VPS13B: variants seen among roughly 807,000 people sequenced by gnomAD.
The protein encoded by VPS13B is intermembrane lipid transfer protein VPS13B.
A neutral mutation model predicts 426.4 loss-of-function variants in VPS13B; 285 were observed. The observed-to-expected ratio is 0.67, with a 90% confidence interval of 0.61 to 0.74. The LOEUF is 0.74. Among genes scored for constraint, VPS13B ranks in the 30% least tolerant of loss-of-function variants. The pLI, the probability that VPS13B is intolerant of heterozygous loss-of-function variation, is 0.00. For synonymous variants in VPS13B, 1,676 were observed against 1,676.4 expected, an observed-to-expected ratio of 1.00 and a Z score of 0.01; for missense variants, 4,537 against 4,782.6, an observed-to-expected ratio of 0.95 and a Z score of 1.51.
At chr8:99,338,786 G>T (rs974289125) in intron 19 of VPS13B, among the ~76,000 whole-genome samples, 2 of 152,078 alleles carry the variant, frequency 1.3e-5, no homozygotes, top group African/African-American at 4.8e-5. Context: ...TTAATTAACA[G>T]AGGTTGTTAC....
intron 19 of VPS13B, 112 bp downstream of exon 19, chr8:99,275,366 G>T (rs1818846027): frequency 3.0e-6 from 3 of 994,476 alleles, no homozygotes; most frequent in Non-Finnish European, 2.8e-6. Flanking sequence ...TTTGTCAATT[G>T]GCTTACTCTG....
chr8:99,290,038 T>G (rs1819645190), intron 19 of VPS13B, among the ~76,000 whole-genome samples: 1 of 152,092 alleles, frequency 6.6e-6, no homozygotes, highest in Non-Finnish European at 1.5e-5. Context: ...TATATTACTT[T>G]AAATGGCCAT....
intron 19 of VPS13B, among the ~76,000 whole-genome samples, chr8:99,282,926 T>C (rs1819245376): frequency 6.6e-6 from 1 of 152,168 alleles, no homozygotes; most frequent in South Asian, 2.1e-4. Context: ...GTCATTGTTA[T>C]TGGAAAGGAA....
Position 99,135,661 on chromosome 8 carries a change from A to C in VPS13B, c.1491A>C (p.Ser497=), listed in dbSNP as rs374276141. Residue 497 remains serine (S), a synonymous_variant, in exon 11 of 62, where the codon TCA becomes TCC. Coordinates refer to ENST00000357162, the MANE Select transcript of VPS13B (RefSeq NM_152564.5). ...AAGGTTTCACATACCTTACAAATTC[A>C]TTGTTTGATTACCGAAGCCCAGAAA... ...STKGFTYLTN[S]LFDYRSPENN... 109 of 1,613,370 alleles carry C rather than the reference A, an allele frequency of 6.8e-5. No homozygotes were observed. The highest frequency in any genetic ancestry group is 9.1e-5 in the Non-Finnish European group (107 of 1,179,564).
At chr8:99,488,605 C>T (rs1820427125) in intron 25 of VPS13B, among the ~76,000 whole-genome samples, 2 of 152,104 alleles carry the variant, frequency 1.3e-5, no homozygotes, top group African/African-American at 2.4e-5. Flanking sequence ...GATTGTCAGA[C>T]GGATACTTTA....
intron 3 of VPS13B, among the ~76,000 whole-genome samples, chr8:99,065,780 C>A (rs966348316): frequency 6.6e-6 from 1 of 152,156 alleles, no homozygotes; most frequent in African/African-American, 2.4e-5. Flanking sequence ...CCAAAATCTC[C>A]TTAAGCTGAT....
At chr8:99,380,354 GTATATTA>G (rs772250378) in intron 19 of VPS13B, among the ~76,000 whole-genome samples, 43 of 152,204 alleles carry the variant, frequency 2.8e-4, no homozygotes, top group Non-Finnish European at 5.7e-4. Flanking sequence ...ATGTTAAATT[GTATATTA>G]TATATTAAAT....
chr8:99,111,877 C>A (rs902796240), intron 6 of VPS13B, among the ~76,000 whole-genome samples: 32 of 152,012 alleles, frequency 2.1e-4, no homozygotes, highest in African/African-American at 7.5e-4. Context: ...TAGGTTTGGG[C>A]TCCCACTGAT....
chr8:99,748,114 T>G (rs369010398), intron 39 of VPS13B, among the ~76,000 whole-genome samples: 14 of 152,130 alleles, frequency 9.2e-5, no homozygotes, highest in South Asian at 2.1e-4. Flanking sequence ...GCTAATTAGG[T>G]GTCTATGGCT....
chr8:99,564,836 C>G (rs766153901), intron 31 of VPS13B, among the ~76,000 whole-genome samples: 8 of 152,178 alleles, frequency 5.3e-5, no homozygotes, highest in Admixed American at 1.3e-4. Context: ...TGGTTTCCTT[C>G]CTCTTACTAG....
intron 23 of VPS13B, among the ~76,000 whole-genome samples, 184 bp downstream of exon 23, chr8:99,442,819 A>G (rs1343072292): frequency 6.6e-6 from 1 of 152,034 alleles, no homozygotes; most frequent in Non-Finnish European, 1.5e-5. Flanking sequence ...TCTTAGTCAT[A>G]TATTCACATA....
At chr8:99,492,830 G>A (rs2133585323) in intron 25 of VPS13B, among the ~76,000 whole-genome samples, 1 of 152,268 alleles carries the variant, frequency 6.6e-6, no homozygotes, top group Admixed American at 6.5e-5. Flanking sequence ...TACCAGGTGA[G>A]GAGACACCCC....
intron 19 of VPS13B, among the ~76,000 whole-genome samples, chr8:99,319,586 A>T (rs1809862895): frequency 6.6e-6 from 1 of 152,190 alleles, no homozygotes. Flanking sequence ...GTTGATGGTT[A>T]ATGTCAGTAC....
In VPS13B at chr8:99,097,029, C is replaced by G. The variant is rs188246082; in HGVS notation, c.412+597C>G. 2.0e-5 allele frequency among the ~76,000 whole-genome samples: 3 copies of G among 152,214 alleles called. No homozygotes were observed. In the East Asian group the frequency reaches 5.8e-4, roughly 29 times the overall value. On this transcript the variant is annotated intron_variant, in intron 4 of 61. Transcript: ENST00000357162. ...AGAAGACCTATCTGCTTCTTAATAT[C>G]CCCAGGCTGGAAGTGATACATATTC...
At chr8:99,704,126 A>T (rs1219281091) in intron 36 of VPS13B, among the ~76,000 whole-genome samples, 1 of 152,174 alleles carries the variant, frequency 6.6e-6, no homozygotes, top group Admixed American at 6.5e-5. Context: ...AACTCCTTCT[A>T]GTCAAAGGAC....
chr8:99,775,271 T>A (rs1811683657), intron 40 of VPS13B, among the ~76,000 whole-genome samples: 1 of 152,202 alleles, frequency 6.6e-6, no homozygotes, highest in Middle Eastern at 3.2e-3. Context: ...GTGCTTCCTG[T>A]CATAGTTCTC....
At chr8:99,407,647 C>G (rs1267171623) in intron 21 of VPS13B, among the ~76,000 whole-genome samples, 1 of 144,990 alleles carries the variant, frequency 6.9e-6, no homozygotes, top group Non-Finnish European at 1.5e-5. Context: ...TTTTTTTTTG[C>G]CTATTAATTA....
At chr8:99,742,002 C>T (rs991741139) in intron 39 of VPS13B, among the ~76,000 whole-genome samples, 1 of 152,050 alleles carries the variant, frequency 6.6e-6, no homozygotes, top group African/African-American at 2.4e-5. Flanking sequence ...AATAGAGACA[C>T]AAAAAACCCT....
chr8:99,421,235 T>C (rs1017449837), intron 21 of VPS13B, among the ~76,000 whole-genome samples: 4 of 152,312 alleles, frequency 2.6e-5, no homozygotes, highest in Middle Eastern at 3.4e-3. Context: ...ATTGTTGATA[T>C]GTTATTTTAA....
Sources: allele counts gnomAD v4.1 joint callset (sites outside exome capture counted in the v4.1 genomes callset), GRCh38; gene constraint gnomAD v4.1.1; transcripts MANE v1.5; gene names NCBI Gene and HGNC (gene_info 2026-07-23, HGNC 2026-07-21).